KAZN: variants seen among roughly 807,000 people sequenced by gnomAD.
KAZN encodes the protein kazrin, periplakin interacting protein.
In KAZN, 40 loss-of-function variants were observed where a neutral mutation model predicts 87.4. The observed-to-expected ratio is 0.46, with a 90% confidence interval of 0.36 to 0.60. KAZN has a LOEUF of 0.60. Among genes scored for constraint, KAZN ranks in the 20% least tolerant of loss-of-function variants. The pLI is 0.00. For missense variants in KAZN, 898 were observed against 1,073.9 expected, an observed-to-expected ratio of 0.84 and a Z score of 2.29; for synonymous variants, 466 against 458.3, an observed-to-expected ratio of 1.02 and a Z score of -0.22.
chr1:13,906,284 T>G (rs1421948742), intron 1 of KAZN, among the ~76,000 whole-genome samples: 4 of 152,216 alleles, frequency 2.6e-5, no homozygotes, highest in Non-Finnish European at 5.9e-5. Context: ...TTCAAATGTT[T>G]TATAGACTTT....
At chr1:14,939,598 C>T (rs1224402039) in intron 1 of KAZN, among the ~76,000 whole-genome samples, 2 of 152,132 alleles carry the variant, frequency 1.3e-5, no homozygotes, top group African/African-American at 4.8e-5. Flanking sequence ...GCATGAGGTC[C>T]GCATTGGCAG....
rs187397841 is a variant in KAZN, at chr1:14,733,238, T to A, written c.226+134015T>A. 1.9e-4 allele frequency among the ~76,000 whole-genome samples: 29 copies of A among 152,264 alleles called. No homozygotes were observed. The East Asian group carries it at 5.4e-3, about 29-fold the overall frequency. On this transcript the variant is annotated intron_variant, in intron 1 of 14. Transcript: ENST00000376030. ...TGAGTGATTGCAGAATTCTCGCATG[T>A]TCCCGGCAGCCTGTGCTTGGAGTTA...
At chr1:14,731,517 A>T (rs7532344) in intron 1 of KAZN, among the ~76,000 whole-genome samples, 1 of 152,056 alleles carries the variant, frequency 6.6e-6, no homozygotes, top group Non-Finnish European at 1.5e-5. Flanking sequence ...CCCTTCCCAC[A>T]GAAGGTTTTG....
At chr1:14,613,594 T>C (rs901392860) in intron 1 of KAZN, among the ~76,000 whole-genome samples, 5 of 152,260 alleles carry the variant, frequency 3.3e-5, no homozygotes, top group African/African-American at 1.2e-4. Context: ...AAGATTACAA[T>C]GAATTCAGTA....
chr1:14,466,304 A>G (rs1470046245), intron 2 of KAZN, among the ~76,000 whole-genome samples: 1 of 150,528 alleles, frequency 6.6e-6, no homozygotes, highest in Non-Finnish European at 1.5e-5. Flanking sequence ...TTGAGTTATA[A>G]GGAATTGAAC....
intron 1 of KAZN, among the ~76,000 whole-genome samples, chr1:14,954,849 G>A (rs188832082): frequency 7.2e-5 from 11 of 152,252 alleles, no homozygotes; most frequent in Admixed American, 4.6e-4. Flanking sequence ...CCAGCTACTC[G>A]GGAGGCTGAG....
intron 2 of KAZN, among the ~76,000 whole-genome samples, chr1:14,993,219 G>A (rs1457566613): frequency 6.6e-6 from 1 of 150,738 alleles, no homozygotes; most frequent in Non-Finnish European, 1.5e-5. Flanking sequence ...TGTAATCCCA[G>A]CACTCTGGGA....
At chr1:14,245,000 A>G (rs777181082) in intron 2 of KAZN, among the ~76,000 whole-genome samples, 17 of 151,918 alleles carry the variant, frequency 1.1e-4, no homozygotes, top group Non-Finnish European at 2.1e-4. Flanking sequence ...TTGCTCTGTC[A>G]CCCAGGCTGG....
chr1:14,383,086 T>C (rs1571464993), intron 2 of KAZN, among the ~76,000 whole-genome samples: 2 of 152,006 alleles, frequency 1.3e-5, no homozygotes, highest in African/African-American at 4.8e-5. Flanking sequence ...TGAGCATTGT[T>C]TCATGTGTTT....
intron 1 of KAZN, among the ~76,000 whole-genome samples, chr1:14,086,595 A>G (rs865983307): frequency 1.3e-5 from 2 of 152,190 alleles, no homozygotes; most frequent in African/African-American, 4.8e-5. Context: ...TAAGTTTTTA[A>G]GTTCTAAAGA....
Position 15,051,003 on chromosome 1 carries a change from CAG to C in KAZN, c.727-5085_727-5084del, listed in dbSNP as rs957681778. On this transcript the variant is annotated intron_variant, in intron 4 of 14. Coordinates refer to ENST00000376030, the MANE Select transcript of KAZN (RefSeq NM_201628.3). Reference sequence around the variant, plus strand: ...CAAGGAGAAGAACTTAGCTGTGCCACAGAGTGTGTTTATGAAGCACGGGAAGA... The same window carrying C: ...CAAGGAGAAGAACTTAGCTGTGCCACAGTGTGTTTATGAAGCACGGGAAGA... Among the ~76,000 whole-genome samples, 4 of 152,210 alleles carry C rather than the reference CAG, an allele frequency of 2.6e-5. 1 individual carries two copies. In the South Asian group the frequency reaches 6.2e-4, roughly 24 times the overall value.
chr1:14,282,495 C>T (rs1652912597), intron 2 of KAZN, among the ~76,000 whole-genome samples: 1 of 152,232 alleles, frequency 6.6e-6, no homozygotes, highest in Non-Finnish European at 1.5e-5. Flanking sequence ...ATGTATCCCT[C>T]TCATTCTGGG....
At position 14,847,206 on chromosome 1, in the gene KAZN, G is replaced by A. The variant is rs566899874; in HGVS notation, c.227-113478G>A. 6.8e-4 allele frequency among the ~76,000 whole-genome samples: 103 copies of A among 152,228 alleles called. 1 individual carries two copies. The highest frequency in any genetic ancestry group is 1.2e-3 in the Non-Finnish European group (79 of 68,014). On this transcript the variant is annotated intron_variant, in intron 1 of 14. Transcript: ENST00000376030. ...GAATTTGAGCTGTCGGATTTATGCC[G>A]CACACTGATCTCATAGACATCACAG...
At chr1:15,110,439 TTGTG>T (rs1365042559) in intron 13 of KAZN, among the ~76,000 whole-genome samples, 2 of 149,354 alleles carry the variant, frequency 1.3e-5, no homozygotes, top group African/African-American at 4.9e-5. Context: ...TCATGTGTAT[TTGTG>T]TATGTGTGTA....
intron 1 of KAZN, among the ~76,000 whole-genome samples, chr1:14,120,949 C>G (rs1644739251): frequency 6.6e-6 from 1 of 152,196 alleles, no homozygotes; most frequent in Admixed American, 6.5e-5. Flanking sequence ...GATGGGCAGT[C>G]TGGCAAAGGA....
intron 2 of KAZN, among the ~76,000 whole-genome samples, chr1:14,279,664 CTTGT>C (rs781411895): frequency 2.0e-5 from 3 of 152,182 alleles, no homozygotes; most frequent in Non-Finnish European, 4.4e-5. Flanking sequence ...GTCTCCTAGA[CTTGT>C]TTGAGGAGTA....
chr1:14,226,550 G>C (rs1647308297), intron 2 of KAZN, among the ~76,000 whole-genome samples: 1 of 152,054 alleles, frequency 6.6e-6, no homozygotes, highest in Admixed American at 6.6e-5. Context: ...CCTATTACTG[G>C]GTATACAGCC....
chr1:14,294,120 G>A (rs570518011), intron 2 of KAZN, among the ~76,000 whole-genome samples: 213 of 152,132 alleles, frequency 1.4e-3, no homozygotes, highest in Non-Finnish European at 2.2e-3. Flanking sequence ...ACTTGGCCAC[G>A]GTCACACAAG....
intron 1 of KAZN, among the ~76,000 whole-genome samples, chr1:14,107,570 C>T (rs951910580): frequency 6.6e-6 from 1 of 152,156 alleles, no homozygotes; most frequent in African/African-American, 2.4e-5. Flanking sequence ...TGTGGCTCCA[C>T]GTTCCAGTGT....
Sources: allele counts gnomAD v4.1 joint callset (sites outside exome capture counted in the v4.1 genomes callset), GRCh38; gene constraint gnomAD v4.1.1; transcripts MANE v1.5; gene names NCBI Gene and HGNC (gene_info 2026-07-23, HGNC 2026-07-21).